The following PCNX1 variants were observed in gnomAD, a reference collection of about 807,000 sequenced individuals.
The protein encoded by PCNX1 is pecanex-like protein 1.
A neutral mutation model predicts 242.2 loss-of-function variants in PCNX1; 78 were observed. That is an observed-to-expected ratio of 0.32 (90% CI 0.27 to 0.39). The LOEUF (loss-of-function observed/expected upper bound fraction) is 0.39, where lower values mean the gene tolerates loss of function less well. PCNX1 is among the 10% of genes least tolerant of loss of function. The probability of loss-of-function intolerance (pLI) is 1.00; values close to 1 mark genes in which losing one functional copy is unlikely to be tolerated. For missense variants in PCNX1, 2,581 were observed against 2,856.5 expected (o/e 0.90, Z 2.20); for synonymous variants, 1,024 against 1,032.9 (o/e 0.99, Z 0.17).
chr14:70,998,957 G>A (rs941889235), intron 8 of PCNX1, among the ~76,000 whole-genome samples: 6 of 151,972 alleles, frequency 3.9e-5, no homozygotes, highest in Non-Finnish European at 5.9e-5. Context: ...TTATTTTAAA[G>A]ACCACATATT....
chr14:71,034,569 T>A (rs189878988), intron 18 of PCNX1, among the ~76,000 whole-genome samples: 10 of 152,338 alleles, frequency 6.6e-5, no homozygotes, highest in Admixed American at 3.3e-4. Flanking sequence ...TGGTGAATTG[T>A]AATGTTGCTT....
At chr14:71,010,239 A>G (rs946567044) in intron 9 of PCNX1, among the ~76,000 whole-genome samples, 1 of 152,080 alleles carries the variant, frequency 6.6e-6, no homozygotes, top group Non-Finnish European at 1.5e-5. Context: ...GTTTTCCCAC[A>G]GTGTCAAATT....
chr14:71,029,967 C>T (rs745350432), intron 16 of PCNX1, among the ~76,000 whole-genome samples: 1 of 152,148 alleles, frequency 6.6e-6, no homozygotes, highest in African/African-American at 2.4e-5. Flanking sequence ...TATGAATAAG[C>T]CTGCTGTGAA....
At chr14:71,021,404 T>C (rs948693676) in intron 12 of PCNX1, among the ~76,000 whole-genome samples, 8 of 152,158 alleles carry the variant, frequency 5.3e-5, no homozygotes, top group Admixed American at 4.6e-4. Context: ...ATGGAATGTT[T>C]TTCCATTTGT....
At position 71,018,893 on chromosome 14, in the gene PCNX1, A is replaced by G. The variant is rs140304586; in HGVS notation, c.2997-116A>G. Reference sequence around the variant, plus strand: ...TAAAACCTTGTTCAAACTCAGTACCAAAAAGACATCTTGGCATACCATGAA... The same window carrying G: ...TAAAACCTTGTTCAAACTCAGTACCGAAAAGACATCTTGGCATACCATGAA... On this transcript the variant is annotated intron_variant, in intron 11 of 35. Transcript: ENST00000304743. 1,537 of 839,938 alleles carry G rather than the reference A, an allele frequency of 1.8e-3. 3 individuals carry two copies. The highest frequency in any genetic ancestry group is 2.5e-3 in the Non-Finnish European group (1,344 of 547,122). The allele number at this position is 839,938 out of a possible 1,614,324, so 52.0% of individuals were successfully genotyped here.
At chr14:70,967,563 A>T (rs530913462) in intron 3 of PCNX1, among the ~76,000 whole-genome samples, 17 of 152,334 alleles carry the variant, frequency 1.1e-4, no homozygotes, top group Non-Finnish European at 2.4e-4. Context: ...GAATATAAGC[A>T]CTAAAAGCTC....
intron 3 of PCNX1, among the ~76,000 whole-genome samples, chr14:70,965,979 T>A (rs1254550911): frequency 6.6e-6 from 1 of 152,206 alleles, no homozygotes; most frequent in East Asian, 1.9e-4. Flanking sequence ...TACATTTTCA[T>A]TTTTAGGAAA....
At chr14:71,043,927 T>C (rs1175817457) in intron 19 of PCNX1, among the ~76,000 whole-genome samples, 4 of 152,350 alleles carry the variant, frequency 2.6e-5, no homozygotes, top group South Asian at 4.1e-4. Context: ...TACATTGATA[T>C]CTGCACATCT....
intron 1 of PCNX1, among the ~76,000 whole-genome samples, chr14:70,913,879 GTAT>G (rs1195440342): frequency 6.6e-6 from 1 of 152,138 alleles, no homozygotes; most frequent in African/African-American, 2.4e-5. Flanking sequence ...TGATTTTTAA[GTAT>G]TATTTTCTGC....
At chr14:70,974,975 C>T (rs530917122) in intron 5 of PCNX1, among the ~76,000 whole-genome samples, 19 of 151,968 alleles carry the variant, frequency 1.3e-4, no homozygotes, top group African/African-American at 3.9e-4. Flanking sequence ...TTAGCAGTAT[C>T]GAAAAAAGTG....
chr14:71,034,757 T>A (rs1247486619), intron 18 of PCNX1, among the ~76,000 whole-genome samples: 1 of 152,196 alleles, frequency 6.6e-6, no homozygotes, highest in African/African-American at 2.4e-5. Flanking sequence ...CATATTTTTT[T>A]CAGAAACTTT....
chr14:71,094,033 T>C (rs2062207217), intron 30 of PCNX1, among the ~76,000 whole-genome samples: 1 of 152,186 alleles, frequency 6.6e-6, no homozygotes, highest in South Asian at 2.1e-4. Flanking sequence ...TCAAAGGTTA[T>C]TCATGGATTT....
At chr14:70,908,486 C>T (rs1046966431) in intron 1 of PCNX1, among the ~76,000 whole-genome samples, 1 of 152,218 alleles carries the variant, frequency 6.6e-6, no homozygotes, top group Admixed American at 6.5e-5. Context: ...CGCCGCCTCG[C>T]CGCTAATCCG....
chr14:70,945,651 G>T (rs2057426818), intron 1 of PCNX1, among the ~76,000 whole-genome samples: 1 of 150,238 alleles, frequency 6.7e-6, no homozygotes, highest in Non-Finnish European at 1.5e-5. Flanking sequence ...TTTTATTTTT[G>T]TCTCAAGTGA....
chr14:71,057,301 G>A (rs911797682), intron 25 of PCNX1, among the ~76,000 whole-genome samples: 2 of 152,080 alleles, frequency 1.3e-5, no homozygotes, highest in East Asian at 1.9e-4. Context: ...CATAGATTCC[G>A]GGAGGTTATG....
rs371997552 is a variant in PCNX1 at position 70,965,031 on chromosome 14, A to G, written c.468+2700A>G. Among the ~76,000 whole-genome samples the G allele has an allele frequency of 9.8e-5, 15 of 152,334 alleles. No homozygotes were observed. In the South Asian group the frequency reaches 1.2e-3, roughly 13 times the overall value. On this transcript the variant is annotated intron_variant, in intron 3 of 35. Transcript: ENST00000304743. ...TGTATTTTATTATATAATGTGTAAG[A>G]TACTGCTACACATTATCATATTTTA...
chr14:70,922,417 AT>A (rs1257223488), intron 1 of PCNX1, among the ~76,000 whole-genome samples: 1 of 152,114 alleles, frequency 6.6e-6, no homozygotes, highest in African/African-American at 2.4e-5. Flanking sequence ...ATAGGGGAGA[AT>A]TTTATAGCAT....
chr14:70,944,847 C>T (rs962735709), intron 1 of PCNX1, among the ~76,000 whole-genome samples: 1 of 152,178 alleles, frequency 6.6e-6, no homozygotes, highest in Non-Finnish European at 1.5e-5. Context: ...TTATAAGGGG[C>T]TTCCCCGTTC....
chr14:70,954,381 A>G (rs1566616536), intron 2 of PCNX1, among the ~76,000 whole-genome samples: 1 of 152,136 alleles, frequency 6.6e-6, no homozygotes, highest in Non-Finnish European at 1.5e-5. Flanking sequence ...AGACTTCGCT[A>G]TTCTTGGCTC....
Sources: gnomAD v4.1 joint callset for allele counts (sites outside exome capture counted in the v4.1 genomes callset) on GRCh38, gnomAD v4.1.1 for gene constraint, MANE v1.5 for transcripts, NCBI Gene and HGNC (gene_info 2026-07-23, HGNC 2026-07-21) for gene names.